TTLL9: variants seen among roughly 807,000 people sequenced by gnomAD.
The protein encoded by TTLL9 is probable tubulin polyglutamylase TTLL9.
Under a neutral mutation model 65.6 loss-of-function variants are expected in TTLL9, and 47 were observed. The ratio of observed to expected loss-of-function variants is 0.72; its 90% CI spans 0.57 to 0.91. TTLL9 has a LOEUF of 0.91. TTLL9 is among the 40% of genes least tolerant of loss of function. The pLI, the probability that TTLL9 is intolerant of heterozygous loss-of-function variation, is 0.00. For missense variants in TTLL9, 537 were observed against 568.8 expected, an observed-to-expected ratio of 0.94 and a Z score of 0.57; for synonymous variants, 179 against 204.8, an observed-to-expected ratio of 0.87 and a Z score of 1.07.
intron 4 of TTLL9, among the ~76,000 whole-genome samples, chr20:31,900,209 A>G (rs1425893129): frequency 1.3e-5 from 2 of 152,336 alleles, no homozygotes; most frequent in African/African-American, 2.4e-5. Flanking sequence ...TTTGCTGCTT[A>G]CCATTAGCTA....
intron 10 of TTLL9, among the ~76,000 whole-genome samples, chr20:31,929,245 G>C (rs1327237912): frequency 6.6e-6 from 1 of 152,138 alleles, no homozygotes; most frequent in Non-Finnish European, 1.5e-5. Flanking sequence ...ACCAGGTCAG[G>C]AAACATTTAT....
rs749872457 is a variant in TTLL9, at chr20:31,939,225, A to C, written c.1202A>C (p.Asp401Ala). The C allele has an allele frequency of 2.5e-6, 4 of 1,613,410 alleles. No individual in the cohort carries two copies. The South Asian group carries it at 4.4e-5, about 18-fold the overall frequency. ...GTTAGCAGAGAGGAGGGGGCTCCTG[A>C]CCTGTCGGGAATGGGAAACTTTGTG... ...GPVSREEGAP[D>A]LSGMGNFVTN... Residue 401 changes from aspartate (D) to alanine (A), a missense_variant, in exon 14 of 15, where the codon GAC becomes GCC. Physicochemically the swap from Asp to Ala is moderately radical, Grantham distance 126. Around this residue, in one of 3 missense-constraint regions of TTLL9, gnomAD observed 205 missense variants for 225.9 expected, o/e 0.91. Coordinates refer to ENST00000535842, the MANE Select transcript of TTLL9 (RefSeq NM_001008409.5).
chr20:31,876,788 CCTCA>C (rs1327664651), intron 2 of TTLL9, among the ~76,000 whole-genome samples: 5 of 152,174 alleles, frequency 3.3e-5, no homozygotes, highest in African/African-American at 9.7e-5. Context: ...TTCCCCACGT[CCTCA>C]CTAACATCTG....
At chr20:31,917,600 C>A (rs116367790) in intron 6 of TTLL9, among the ~76,000 whole-genome samples, 228 of 152,302 alleles carry the variant, frequency 1.5e-3, no homozygotes, top group African/African-American at 5.3e-3. Flanking sequence ...GCAGATGCTG[C>A]CAGTTTCCAA....
At chr20:31,912,720 G>A (rs967989764) in intron 6 of TTLL9, among the ~76,000 whole-genome samples, 4 of 152,014 alleles carry the variant, frequency 2.6e-5, no homozygotes, top group Admixed American at 2.6e-4. Flanking sequence ...GGGCAGGCCA[G>A]CAGGATGGAG....
intron 8 of TTLL9, among the ~76,000 whole-genome samples, chr20:31,923,645 G>T (rs1393571631): frequency 6.6e-6 from 1 of 152,182 alleles, no homozygotes; most frequent in Non-Finnish European, 1.5e-5. Flanking sequence ...CCTCCTCCCC[G>T]CAAGCTTGGT....
chr20:31,873,837 AAAGAAAGAAAGAAAG>A (rs2062996218), intron 2 of TTLL9, among the ~76,000 whole-genome samples: 4 of 110,820 alleles, frequency 3.6e-5, no homozygotes, highest in Non-Finnish European at 7.7e-5. Flanking sequence ...AGAAAGAAAG[AAAGAAAGAAAGAAAG>A]AAAGAAAGAA....
intron 3 of TTLL9, among the ~76,000 whole-genome samples, chr20:31,889,177 A>G (rs1298039816): frequency 6.6e-6 from 1 of 152,198 alleles, no homozygotes; most frequent in Non-Finnish European, 1.5e-5. Flanking sequence ...AACAAATTGT[A>G]TTTATTTTAT....
intron 2 of TTLL9, among the ~76,000 whole-genome samples, chr20:31,873,868 G>T (rs1008342473): frequency 6.9e-6 from 1 of 144,388 alleles, no homozygotes; most frequent in Non-Finnish European, 1.5e-5. Context: ...AAGAAAGAAA[G>T]AAAGAAAGAA....
intron 6 of TTLL9, among the ~76,000 whole-genome samples, chr20:31,911,389 T>C (rs2063643565): frequency 6.6e-6 from 1 of 152,178 alleles, no homozygotes; most frequent in Non-Finnish European, 1.5e-5. Flanking sequence ...GGAGCAGCCC[T>C]TTCCTGTGGA....
intron 4 of TTLL9, among the ~76,000 whole-genome samples, chr20:31,901,994 A>T: frequency 6.6e-6 from 1 of 152,200 alleles, no homozygotes; most frequent in Admixed American, 6.5e-5. Flanking sequence ...CTCAACACAT[A>T]CATGTTGGAA....
At chr20:31,905,879 C>T (rs976419721) in intron 4 of TTLL9, among the ~76,000 whole-genome samples, 55 of 151,956 alleles carry the variant, frequency 3.6e-4, no homozygotes, top group African/African-American at 1.3e-3. Flanking sequence ...ACTAAAAATA[C>T]AAAATTAGCT....
chr20:31,925,120 A>T, intron 9 of TTLL9, 71 bp downstream of exon 9: 1 of 1,515,342 alleles, frequency 6.6e-7, no homozygotes, highest in Non-Finnish European at 9.1e-7. Flanking sequence ...GATGGGGGGA[A>T]GAGGCCTGGG....
chr20:31,908,233 C>T (rs944965871), intron 4 of TTLL9, among the ~76,000 whole-genome samples: 1 of 152,168 alleles, frequency 6.6e-6, no homozygotes, highest in African/African-American at 2.4e-5. Context: ...ACAAGTGAGG[C>T]TGAGTGGCTG....
chr20:31,926,644 T>G (rs893630154), intron 10 of TTLL9, among the ~76,000 whole-genome samples: 1 of 152,154 alleles, frequency 6.6e-6, no homozygotes, highest in East Asian at 1.9e-4. Context: ...ATAGGGAACA[T>G]TGAAATGAAT....
At chr20:31,919,056 AG>A (rs2063777941) in intron 6 of TTLL9, among the ~76,000 whole-genome samples, 1 of 152,168 alleles carries the variant, frequency 6.6e-6, no homozygotes, top group Non-Finnish European at 1.5e-5. Flanking sequence ...GTTATGCTGG[AG>A]GTAAGATGAC....
chr20:31,889,611 C>T (rs1021871084), intron 3 of TTLL9, among the ~76,000 whole-genome samples: 2 of 151,962 alleles, frequency 1.3e-5, no homozygotes, highest in African/African-American at 4.8e-5. Context: ...TTAGTAGAGA[C>T]GGAGTTTCAC....
chr20:31,930,147 T>C (rs1473820533), intron 10 of TTLL9, among the ~76,000 whole-genome samples: 1 of 151,902 alleles, frequency 6.6e-6, no homozygotes, highest in Non-Finnish European at 1.5e-5. Flanking sequence ...TAAATAAAAA[T>C]AAAATATTTT....
intron 6 of TTLL9, among the ~76,000 whole-genome samples, chr20:31,913,339 G>C (rs868378991): frequency 2.0e-5 from 3 of 152,142 alleles, no homozygotes. Context: ...GAACCACTGG[G>C]TTTGAGTATT....
Sources: gnomAD v4.1 joint callset for allele counts (sites outside exome capture counted in the v4.1 genomes callset) on GRCh38, gnomAD v4.1.1 for gene constraint, gnomAD v4.1.1 regional missense constraint, MANE v1.5 for transcripts, NCBI Gene and HGNC (gene_info 2026-07-23, HGNC 2026-07-21) for gene names.